PLCG2: variants seen among roughly 807,000 people sequenced by gnomAD.
PLCG2 encodes phospholipase C gamma 2.
In PLCG2, 69 loss-of-function variants were observed where a neutral mutation model predicts 175.6. That is an observed-to-expected ratio of 0.39 (90% confidence interval 0.32 to 0.48). The LOEUF (loss-of-function observed/expected upper bound fraction) is 0.48, where lower values mean the gene tolerates loss of function less well. Ranked by LOEUF, PLCG2 falls within the 20% of genes least tolerant of loss-of-function variation. PLCG2 has a pLI of 0.91. For synonymous variants in PLCG2, 827 were observed against 624.0 expected, an observed-to-expected ratio of 1.33 and a Z score of -4.85; for missense variants, 1,798 against 1,650.9, an observed-to-expected ratio of 1.09 and a Z score of -1.54.
chr16:81,753,959 T>C (rs2143071794), intron 1 of PLCG2, among the ~76,000 whole-genome samples: 1 of 152,194 alleles, frequency 6.6e-6, no homozygotes, highest in East Asian at 1.9e-4. Flanking sequence ...CCACCTTGGG[T>C]GGAGGCTGAG....
chr16:81,959,330 G>T lies in PLCG2; in HGVS notation c.*1332G>T. ...ATGCTGGGCTTAGTATGCATGTACTGCTGAAAAGCAGGGCAGAACAAATCA... is the reference window on the plus strand; with the variant it reads ...ATGCTGGGCTTAGTATGCATGTACTTCTGAAAAGCAGGGCAGAACAAATCA... On this transcript the variant is annotated 3_prime_UTR_variant, in exon 33 of 33. Coordinates refer to ENST00000564138, the MANE Select transcript of PLCG2 (RefSeq NM_002661.5). 1 of 222,306 alleles carries T rather than the reference G, an allele frequency of 4.5e-6. No individual in the cohort carries two copies. The allele number at this position is 222,306 out of a possible 1,614,324, so 13.8% of individuals were successfully genotyped here. A position where few individuals can be genotyped will look rare whatever the true frequency, so the allele number is the denominator to read the frequency against.
At chr16:81,908,975 ATC>A (rs1909500210) in intron 17 of PLCG2, among the ~76,000 whole-genome samples, 1 of 152,168 alleles carries the variant, frequency 6.6e-6, no homozygotes, top group Admixed American at 6.5e-5. Flanking sequence ...ACCTTCTAGC[ATC>A]TCTGTCTCCT....
At chr16:81,913,722 A>G (rs759254739) in intron 19 of PLCG2, among the ~76,000 whole-genome samples, 1 of 152,218 alleles carries the variant, frequency 6.6e-6, no homozygotes, top group Non-Finnish European at 1.5e-5. Flanking sequence ...TGCTGGCTGC[A>G]TGGCAGCTAC....
intron 2 of PLCG2, among the ~76,000 whole-genome samples, chr16:81,836,705 A>G (rs1005417920): frequency 2.0e-5 from 3 of 152,186 alleles, no homozygotes; most frequent in African/African-American, 7.2e-5. Flanking sequence ...GTGCCACTGC[A>G]CTCCAACCTC....
chr16:81,783,185 G>C (rs970854293), intron 1 of PLCG2: 30 of 470,988 alleles, frequency 6.4e-5, no homozygotes, highest in African/African-American at 3.9e-4. Context: ...AGTGGACTAT[G>C]GCCTAGAGAC....
At chr16:81,851,692 T>G (rs1400107430) in intron 2 of PLCG2, among the ~76,000 whole-genome samples, 1 of 152,244 alleles carries the variant, frequency 6.6e-6, no homozygotes, top group Non-Finnish European at 1.5e-5. Flanking sequence ...TTTGTATTCT[T>G]ACTAGAGATG....
intron 2 of PLCG2, among the ~76,000 whole-genome samples, chr16:81,760,877 CAATA>C (rs1910028428): frequency 6.6e-6 from 1 of 152,014 alleles, no homozygotes; most frequent in Non-Finnish European, 1.5e-5. Context: ...CCAGCCTGTG[CAATA>C]TAGTGAGATC....
chr16:81,828,611 A>G (rs1291892403), intron 2 of PLCG2, among the ~76,000 whole-genome samples: 1 of 152,116 alleles, frequency 6.6e-6, no homozygotes, highest in Non-Finnish European at 1.5e-5. Context: ...AGTTTTGATC[A>G]GCGAGTCCTT....
chr16:81,800,028 A>G (rs1178955988), intron 2 of PLCG2, among the ~76,000 whole-genome samples: 1 of 152,248 alleles, frequency 6.6e-6, no homozygotes, highest in East Asian at 1.9e-4. Flanking sequence ...ATTTGTGGCC[A>G]TGGACAAGTT....
chr16:81,957,174 C>A lies in PLCG2; in HGVS notation c.3755+295C>A, dbSNP rs147162703. On this transcript the variant is annotated intron_variant, in intron 32 of 32. Coordinates refer to ENST00000564138, the MANE Select transcript of PLCG2 (RefSeq NM_002661.5). The stretch of plus-strand genomic sequence containing the variant: ...ATTAGCTGGGCATGGTCGTGGGCGC[C>A]TGTAATCCCAGCTACTTGGGAGGCT... Among the ~76,000 whole-genome samples, 769 of 152,204 alleles carry A rather than the reference C, an allele frequency of 5.1e-3. 10 individuals are homozygous for A. The highest frequency in any genetic ancestry group is 0.018 in the African/African-American group (739 of 41,520).
At chr16:81,765,266 A>C (rs1298222320) in intron 2 of PLCG2, among the ~76,000 whole-genome samples, 1 of 152,070 alleles carries the variant, frequency 6.6e-6, no homozygotes, top group Non-Finnish European at 1.5e-5. Flanking sequence ...AGAACACACA[A>C]AAGATTCCCA....
chr16:81,950,927 C>A (rs1348570720), intron 31 of PLCG2, among the ~76,000 whole-genome samples: 4 of 151,778 alleles, frequency 2.6e-5, no homozygotes, highest in African/African-American at 7.2e-5. Context: ...TAGAAACCAA[C>A]TGAATAAAAC....
chr16:81,935,068 C>T (rs1402383096), intron 26 of PLCG2, among the ~76,000 whole-genome samples: 1 of 152,176 alleles, frequency 6.6e-6, no homozygotes, highest in Non-Finnish European at 1.5e-5. Context: ...TTAGTTCTTA[C>T]TGCCATTACC....
At chr16:81,953,144 T>C (rs571959241) in intron 31 of PLCG2, among the ~76,000 whole-genome samples, 2 of 152,270 alleles carry the variant, frequency 1.3e-5, no homozygotes, top group South Asian at 4.1e-4. Context: ...TTCCAAAGTG[T>C]CCTGAGGGAG....
chr16:81,895,608 T>G (rs1462583777), intron 12 of PLCG2, 199 bp from the exon 13 acceptor site: 2 of 555,974 alleles, frequency 3.6e-6, no homozygotes, highest in Non-Finnish European at 6.4e-6. Context: ...TAGCTTGTCT[T>G]GGACAGCTGC....
chr16:81,862,384 A>G (rs1392514936), intron 5 of PLCG2, among the ~76,000 whole-genome samples: 1 of 152,178 alleles, frequency 6.6e-6, no homozygotes, highest in African/African-American at 2.4e-5. Flanking sequence ...AGCACTTTAC[A>G]TCCTTAGGAT....
At chr16:81,807,443 C>T (rs147990934) in intron 2 of PLCG2, among the ~76,000 whole-genome samples, 167 of 152,264 alleles carry the variant, frequency 1.1e-3, no homozygotes, top group African/African-American at 4.0e-3. Context: ...TTTTCAGCTT[C>T]ATACAAGGCA....
At chr16:81,786,439 C>T (rs907017324) in intron 2 of PLCG2, among the ~76,000 whole-genome samples, 1 of 152,198 alleles carries the variant, frequency 6.6e-6, no homozygotes, top group African/African-American at 2.4e-5. Context: ...ATTCAGGCAG[C>T]TCTCCTTGCC....
chr16:81,798,783 G>C (rs1433593166), intron 2 of PLCG2: 2 of 152,420 alleles, frequency 1.3e-5, no homozygotes, highest in Non-Finnish European at 2.9e-5. Flanking sequence ...AGGAAGAGGA[G>C]ACCCCGCAGA....
Sources: allele counts gnomAD v4.1 joint callset (sites outside exome capture counted in the v4.1 genomes callset), GRCh38; gene constraint gnomAD v4.1.1; transcripts MANE v1.5; gene names NCBI Gene and HGNC (gene_info 2026-07-23, HGNC 2026-07-21).